The following PRSS23 variants were observed in gnomAD, a reference collection of about 807,000 sequenced individuals.
PRSS23 encodes the protein serine protease 23.
PRSS23 carries 25 observed loss-of-function variants against 34.7 expected under a neutral mutation model. The ratio of observed to expected loss-of-function variants is 0.72; its 90% confidence interval spans 0.53 to 1.01. The LOEUF (loss-of-function observed/expected upper bound fraction) is 1.01. Ranked by LOEUF, PRSS23 falls within the 50% of genes least tolerant of loss-of-function variation. PRSS23 has a pLI of 0.00. For synonymous variants in PRSS23, 176 were observed against 186.6 expected, an observed-to-expected ratio of 0.94 and a Z score of 0.46; for missense variants, 445 against 475.6, an observed-to-expected ratio of 0.94 and a Z score of 0.60.
chr11:86,864,888 A>C (rs1055142705), intron 2 of PRSS23, among the ~76,000 whole-genome samples: 1 of 152,182 alleles, frequency 6.6e-6, no homozygotes, highest in Non-Finnish European at 1.5e-5. Context: ...TGCTTCCATC[A>C]TCACACTGCC....
intron 2 of PRSS23, among the ~76,000 whole-genome samples, chr11:86,860,132 G>A (rs1023698049): frequency 2.0e-5 from 3 of 151,648 alleles, no homozygotes; most frequent in Non-Finnish European, 4.4e-5. Context: ...AATATCACAG[G>A]GGATGTACAC....
intron 2 of PRSS23, among the ~76,000 whole-genome samples, chr11:86,875,279 G>A (rs1948715310): frequency 6.6e-6 from 1 of 152,156 alleles, no homozygotes; most frequent in Admixed American, 6.5e-5. Context: ...GCTGAGGCAG[G>A]AGAATCACTT....
chr11:86,891,360 A>G (rs1948839944), intron 2 of PRSS23, among the ~76,000 whole-genome samples: 1 of 152,182 alleles, frequency 6.6e-6, no homozygotes, highest in South Asian at 2.1e-4. Context: ...ACTTAAAGAA[A>G]TCATTTGTTG....
intron 2 of PRSS23, among the ~76,000 whole-genome samples, chr11:86,902,322 T>C (rs368187457): frequency 4.8e-4 from 73 of 152,334 alleles, no homozygotes; most frequent in African/African-American, 1.7e-3. Context: ...CCTTTGGCAA[T>C]ATCTCCCAGC....
At chr11:86,793,228 G>A (rs907395513) in intron 1 of PRSS23, among the ~76,000 whole-genome samples, 2 of 152,222 alleles carry the variant, frequency 1.3e-5, no homozygotes, top group African/African-American at 2.4e-5. Context: ...ACTTCTCAGA[G>A]TATTTGAAAT....
chr11:86,821,720 T>C (rs538378545), intron 1 of PRSS23: 22 of 1,423,556 alleles, frequency 1.5e-5, no homozygotes, highest in Non-Finnish European at 2.0e-5. Flanking sequence ...ACAGCTAGTG[T>C]ACTGTCTATT....
intron 2 of PRSS23, chr11:86,935,283 T>C (rs1040509372): frequency 3.9e-5 from 6 of 152,240 alleles, no homozygotes; most frequent in African/African-American, 1.4e-4. Flanking sequence ...ATCCACTTTG[T>C]GTCAGGCTTT....
chr11:86,835,054 T>G (rs1948394207), intron 2 of PRSS23, among the ~76,000 whole-genome samples: 1 of 152,246 alleles, frequency 6.6e-6, no homozygotes, highest in Admixed American at 6.5e-5. Flanking sequence ...ACAGTTATAT[T>G]CTACCTTTTC....
chr11:86,952,021 A>C (rs1237778243), exon 3 of PRSS23: 1 of 1,614,048 alleles, frequency 6.2e-7, no homozygotes, highest in East Asian at 2.2e-5. Flanking sequence ...AAAACCTAGA[A>C]GAATCGATCA....
chr11:86,794,845 A>G (rs1207969785), intron 1 of PRSS23, among the ~76,000 whole-genome samples: 3 of 152,184 alleles, frequency 2.0e-5, no homozygotes, highest in Non-Finnish European at 2.9e-5. Context: ...TTATAAGAAA[A>G]ATGTGATTTT....
chr11:86,879,544 G>C (rs1418705089), intron 2 of PRSS23, among the ~76,000 whole-genome samples: 1 of 137,030 alleles, frequency 7.3e-6, no homozygotes, highest in African/African-American at 2.8e-5. Context: ...CCGGGAGGGA[G>C]GTGGGGGGGT....
chr11:86,823,309 A>G (rs942349801), intron 1 of PRSS23: 7 of 685,702 alleles, frequency 1.0e-5, no homozygotes, highest in Non-Finnish European at 1.6e-5. Flanking sequence ...GAGATGTAGA[A>G]TAGCTAACCT....
Position 86,849,045 on chromosome 11 carries a change from G to C in PRSS23, c.206+25452G>C, listed in dbSNP as rs375686888. ...CCCCTGGGCCAGAAGCACCCAACCA[G>C]ATGATTCAGCAACAGGACTGAGGGT... On this transcript the variant is annotated intron_variant, in intron 2 of 2. Transcript: ENST00000533902. 2.8e-4 allele frequency among the ~76,000 whole-genome samples: 43 copies of C among 152,320 alleles called. No homozygotes were observed. In the South Asian group the frequency reaches 8.9e-3, roughly 32 times the overall value.
intron 1 of PRSS23, among the ~76,000 whole-genome samples, chr11:86,822,898 G>A (rs1336468163): frequency 6.6e-6 from 1 of 152,204 alleles, no homozygotes; most frequent in Non-Finnish European, 1.5e-5. Context: ...CAAGATGCTG[G>A]AACTGGGGTG....
intron 1 of PRSS23, chr11:86,821,621 C>T (rs1948252584): frequency 1.3e-6 from 2 of 1,598,802 alleles, no homozygotes; most frequent in Non-Finnish European, 1.7e-6. Flanking sequence ...TTCATACTTC[C>T]ATAACTTTCA....
chr11:86,803,026 A>C (rs186625600), intron 1 of PRSS23, among the ~76,000 whole-genome samples: 5 of 152,368 alleles, frequency 3.3e-5, no homozygotes, highest in African/African-American at 1.2e-4. Context: ...TGTATTACTA[A>C]GCATGGTGAA....
At chr11:86,830,905 A>G (rs559193787) in intron 2 of PRSS23, among the ~76,000 whole-genome samples, 1 of 151,976 alleles carries the variant, frequency 6.6e-6, no homozygotes. Context: ...GAAATATTCT[A>G]TGGGGATGTT....
At chr11:86,938,463 A>C (rs568994327) in intron 2 of PRSS23, among the ~76,000 whole-genome samples, 1 of 151,088 alleles carries the variant, frequency 6.6e-6, no homozygotes, top group East Asian at 1.9e-4. Flanking sequence ...TCAGGAGTCC[A>C]GCATGCAGGA....
At chr11:86,843,378 A>G (rs1948462626) in intron 2 of PRSS23, among the ~76,000 whole-genome samples, 1 of 152,220 alleles carries the variant, frequency 6.6e-6, no homozygotes, top group East Asian at 1.9e-4. Flanking sequence ...CTTCATGACT[A>G]AAACACCAAA....
Sources: allele counts gnomAD v4.1 joint callset (sites outside exome capture counted in the v4.1 genomes callset), GRCh38; gene constraint gnomAD v4.1.1; transcripts MANE v1.5; gene names NCBI Gene and HGNC (gene_info 2026-07-23, HGNC 2026-07-21).